The following ITGBL1 variants were observed in gnomAD, a reference collection of about 807,000 sequenced individuals.
ITGBL1 encodes the protein integrin subunit beta like 1, also known as integrin beta-like protein 1.
A neutral mutation model predicts 68.5 loss-of-function variants in ITGBL1; 51 were observed. The ratio of observed to expected loss-of-function variants is 0.74; its 90% CI spans 0.59 to 0.94. The LOEUF is 0.94. ITGBL1 is among the 40% of genes least tolerant of loss of function. The pLI, the probability that ITGBL1 is intolerant of heterozygous loss-of-function variation, is 0.00. For synonymous variants in ITGBL1, 209 were observed against 227.3 expected (o/e 0.92, Z 0.72); for missense variants, 649 against 647.4 (o/e 1.00, Z -0.03).
rs755776332 is a variant in ITGBL1, at chr13:101,579,297, G to A, written c.597G>A (p.Lys199=). The change falls in exon 5 of 11, where the codon AAG becomes AAA. Residue 199 remains lysine, a synonymous_variant. Transcript: ENST00000376180. ...TCATTTTGGGTAAAGGCCATGGGAA[G>A]TGTTACTGTGGAAACTGCTACTGCA... is the stretch of plus-strand genomic sequence containing the variant. ...ETEEICGGHG[K]CYCGNCYCKA... 23 of 1,613,646 alleles carry A rather than the reference G, an allele frequency of 1.4e-5. No individual in the cohort carries two copies. Among genetic ancestry groups the A allele is most frequent in the Non-Finnish European group, 1.9e-5 (23 of 1,179,754 alleles).
At chr13:101,527,592 T>G (rs2049401942) in intron 2 of ITGBL1, among the ~76,000 whole-genome samples, 1 of 138,350 alleles carries the variant, frequency 7.2e-6, no homozygotes, top group Admixed American at 7.5e-5. Context: ...ATAATACATT[T>G]AATTTTAGAA....
intron 2 of ITGBL1, among the ~76,000 whole-genome samples, chr13:101,546,258 C>A (rs2049821907): frequency 6.6e-6 from 1 of 151,906 alleles, no homozygotes; most frequent in Non-Finnish European, 1.5e-5. Flanking sequence ...CAGTGGGCTA[C>A]AAGGGATACT....
intron 2 of ITGBL1, among the ~76,000 whole-genome samples, chr13:101,544,951 A>T (rs1487892760): frequency 6.6e-6 from 1 of 152,198 alleles, no homozygotes; most frequent in East Asian, 1.9e-4. Context: ...GCTGTCTTTT[A>T]TCCCTTTCTT....
chr13:101,555,722 G>T (rs1177888850), intron 2 of ITGBL1, among the ~76,000 whole-genome samples: 1 of 151,982 alleles, frequency 6.6e-6, no homozygotes, highest in Non-Finnish European at 1.5e-5. Flanking sequence ...TAAAACATTG[G>T]TTAGCACTTT....
chr13:101,565,312 G>T (rs1205122980), intron 2 of ITGBL1, among the ~76,000 whole-genome samples: 2 of 152,038 alleles, frequency 1.3e-5, no homozygotes. Flanking sequence ...GTAAACAATA[G>T]TCTGAATACT....
intron 7 of ITGBL1, among the ~76,000 whole-genome samples, chr13:101,632,765 G>C (rs2032028754): frequency 6.6e-6 from 1 of 152,178 alleles, no homozygotes; most frequent in Non-Finnish European, 1.5e-5. Flanking sequence ...TTTCTTGAAA[G>C]AGACTATCAG....
At chr13:101,512,880 C>T (rs1194960274) in intron 2 of ITGBL1, among the ~76,000 whole-genome samples, 1 of 152,076 alleles carries the variant, frequency 6.6e-6, no homozygotes, top group Non-Finnish European at 1.5e-5. Context: ...TGGGTGTTTC[C>T]TGTACCAGGA....
At chr13:101,486,040 C>T (rs939114329) in intron 2 of ITGBL1, among the ~76,000 whole-genome samples, 5 of 152,048 alleles carry the variant, frequency 3.3e-5, no homozygotes, top group Non-Finnish European at 5.9e-5. Flanking sequence ...AAAAGATAAA[C>T]GCACACATGT....
chr13:101,528,664 C>T (rs945353188), intron 2 of ITGBL1, among the ~76,000 whole-genome samples: 4 of 151,824 alleles, frequency 2.6e-5, no homozygotes, highest in Admixed American at 6.6e-5. Flanking sequence ...TGTTTGTTCT[C>T]CACATACTGA....
In ITGBL1 at chr13:101,452,694, G is replaced by A; in HGVS notation, c.-140G>A. 1 of 674,222 alleles carries A rather than the reference G, an allele frequency of 1.5e-6. No homozygotes were observed. Among genetic ancestry groups the A allele is most frequent in the African/African-American group, 1.8e-5 (1 of 56,266 alleles). The allele number at this position is 674,222 out of a possible 1,614,324, so 41.8% of individuals were successfully genotyped here. A position where few individuals can be genotyped will look rare whatever the true frequency, so the allele number is the denominator to read the frequency against. ...CAACGCAATTGCAACTCCGGCTGGA[G>A]CCCCGGACCTGCAAGCCTGGGTGTC... On this transcript the variant is annotated 5_prime_UTR_variant, in exon 1 of 11. Coordinates refer to ENST00000376180, the MANE Select transcript of ITGBL1 (RefSeq NM_004791.3).
At chr13:101,552,225 A>G (rs1270479561) in intron 2 of ITGBL1, among the ~76,000 whole-genome samples, 1 of 152,176 alleles carries the variant, frequency 6.6e-6, no homozygotes, top group East Asian at 1.9e-4. Context: ...GTCCTCAAGA[A>G]AGGAGATGGG....
At chr13:101,713,525 A>C (rs572389420) in intron 9 of ITGBL1, 1 of 152,324 alleles carries the variant, frequency 6.6e-6, no homozygotes, top group Admixed American at 6.5e-5. Flanking sequence ...AGGAAAAGAA[A>C]GTCCTTTTTA....
At chr13:101,580,412 C>T (rs1304610049) in intron 5 of ITGBL1, among the ~76,000 whole-genome samples, 1 of 148,620 alleles carries the variant, frequency 6.7e-6, no homozygotes, top group Non-Finnish European at 1.5e-5. Context: ...TACTATATAT[C>T]ATACTAATTT....
intron 7 of ITGBL1, among the ~76,000 whole-genome samples, chr13:101,652,153 C>T (rs993168293): frequency 1.3e-5 from 2 of 151,998 alleles, no homozygotes; most frequent in Non-Finnish European, 2.9e-5. Context: ...TACACTTTAT[C>T]TTAGCCAAAA....
chr13:101,635,533 A>G (rs1478161437), intron 7 of ITGBL1, among the ~76,000 whole-genome samples: 1 of 152,084 alleles, frequency 6.6e-6, no homozygotes, highest in Non-Finnish European at 1.5e-5. Context: ...GTACAATTGT[A>G]TTATTTGCTC....
At chr13:101,705,292 C>CAAAAAAAAAAAA (rs66461824) in intron 8 of ITGBL1, among the ~76,000 whole-genome samples, 3 of 104,962 alleles carry the variant, frequency 2.9e-5, no homozygotes, top group Non-Finnish European at 3.7e-5. Flanking sequence ...ATTTAAAAAG[C>CAAAAAAAAAAAA]AAAAAAAAAA....
Position 101,491,445 on chromosome 13 carries a change from A to T in ITGBL1, c.316+37345A>T, listed in dbSNP as rs1315199331. 3.3e-5 allele frequency among the ~76,000 whole-genome samples: 5 copies of T among 152,148 alleles called. No homozygotes were observed. In the East Asian group the frequency reaches 9.6e-4, roughly 29 times the overall value. ...AGTTTTATTCAGATTGTTACATTTG[A>T]AGGGATTTTATAATTTGTCACATTA... On this transcript the variant is annotated intron_variant, in intron 2 of 10. Transcript: ENST00000376180.
chr13:101,656,769 G>A (rs1001080581), intron 7 of ITGBL1, among the ~76,000 whole-genome samples: 4 of 152,052 alleles, frequency 2.6e-5, no homozygotes, highest in African/African-American at 4.8e-5. Flanking sequence ...TCAAGAGTAT[G>A]TAATACATCG....
chr13:101,466,901 C>T (rs2139633873), intron 2 of ITGBL1, among the ~76,000 whole-genome samples: 1 of 152,208 alleles, frequency 6.6e-6, no homozygotes, highest in South Asian at 2.1e-4. Context: ...GCTGCTGTAA[C>T]AAGATACCCT....
Sources: allele counts gnomAD v4.1 joint callset (sites outside exome capture counted in the v4.1 genomes callset), GRCh38; gene constraint gnomAD v4.1.1; transcripts MANE v1.5; gene names NCBI Gene and HGNC (gene_info 2026-07-23, HGNC 2026-07-21).